The following LRMDA variants were observed in gnomAD, a reference collection of about 807,000 sequenced individuals.
LRMDA encodes leucine rich melanocyte differentiation associated.
Under a neutral mutation model 29.8 loss-of-function variants are expected in LRMDA, and 18 were observed. The ratio of observed to expected loss-of-function variants is 0.60; its 90% CI spans 0.42 to 0.90. The LOEUF (loss-of-function observed/expected upper bound fraction) is 0.90. LRMDA is among the 40% of genes least tolerant of loss of function. LRMDA has a pLI of 0.00. For synonymous variants in LRMDA, 125 were observed against 109.4 expected (o/e 1.14, Z -0.89); for missense variants, 273 against 273.9 (o/e 1.00, Z 0.02).
chr10:75,454,546 G>C (rs1436349094), intron 2 of LRMDA, among the ~76,000 whole-genome samples: 1 of 152,164 alleles, frequency 6.6e-6, no homozygotes, highest in African/African-American at 2.4e-5. Context: ...TGTTAATTTT[G>C]TTCCAGTGAC....
chr10:75,701,017 T>C (rs1842301580), intron 2 of LRMDA, among the ~76,000 whole-genome samples: 1 of 152,160 alleles, frequency 6.6e-6, no homozygotes, highest in African/African-American at 2.4e-5. Flanking sequence ...CTAACTCATC[T>C]CCTCGGCATT....
At chr10:75,865,210 T>C (rs1844999755) in intron 2 of LRMDA, among the ~76,000 whole-genome samples, 1 of 152,198 alleles carries the variant, frequency 6.6e-6, no homozygotes, top group African/African-American at 2.4e-5. Context: ...TCCATTTACA[T>C]GACACTCTAG....
intron 6 of LRMDA, among the ~76,000 whole-genome samples, chr10:76,427,640 G>A (rs1842143253): frequency 1.3e-5 from 2 of 152,142 alleles, no homozygotes; most frequent in African/African-American, 2.4e-5. Flanking sequence ...CCAACACTAT[G>A]TTGAATAGGA....
intron 2 of LRMDA, among the ~76,000 whole-genome samples, chr10:75,945,233 C>T (rs1846457377): frequency 6.6e-6 from 1 of 152,198 alleles, no homozygotes. Context: ...TGGAAAGTAG[C>T]CCCTGAAATC....
intron 5 of LRMDA, among the ~76,000 whole-genome samples, chr10:76,306,196 T>C (rs1027109891): frequency 1.4e-4 from 21 of 152,354 alleles, no homozygotes; most frequent in African/African-American, 3.4e-4. Context: ...ACACACATAC[T>C]TTTGCATACT....
At chr10:76,489,411 T>C (rs1008509397) in intron 6 of LRMDA, among the ~76,000 whole-genome samples, 4 of 151,952 alleles carry the variant, frequency 2.6e-5, no homozygotes, top group African/African-American at 9.7e-5. Context: ...GCTCTTTTTT[T>C]CTTAATCTAG....
At chr10:75,731,813 T>G (rs1842702341) in intron 2 of LRMDA, among the ~76,000 whole-genome samples, 1 of 152,238 alleles carries the variant, frequency 6.6e-6, no homozygotes, top group South Asian at 2.1e-4. Context: ...GAATAATTGT[T>G]TGTAGTCATA....
At chr10:75,568,377 A>G (rs1457350803) in intron 2 of LRMDA, among the ~76,000 whole-genome samples, 2 of 152,252 alleles carry the variant, frequency 1.3e-5, no homozygotes, top group Non-Finnish European at 1.5e-5. Context: ...TTCTTTTTAT[A>G]TAATTCCAGC....
At position 75,571,660 on chromosome 10, in the gene LRMDA, G is replaced by A. The variant is rs563859502; in HGVS notation, c.131+133166G>A. The stretch of plus-strand genomic sequence containing the variant: ...AATCTGCTAAGAGGCTTCAGGGAAA[G>A]GTACCTTGGCTTTTAAGAAGAGATA... On this transcript the variant is annotated intron_variant, in intron 2 of 6. Coordinates refer to ENST00000611255, the MANE Select transcript of LRMDA (RefSeq NM_001305581.2). 3.4e-4 allele frequency among the ~76,000 whole-genome samples: 52 copies of A among 152,150 alleles called. 1 individual carries two copies. The highest frequency in any genetic ancestry group is 2.4e-5 in the African/African-American group (1 of 41,430).
At chr10:76,085,835 C>T (rs765629672) in intron 5 of LRMDA, among the ~76,000 whole-genome samples, 4 of 152,196 alleles carry the variant, frequency 2.6e-5, no homozygotes, top group Non-Finnish European at 4.4e-5. Flanking sequence ...CTCTCCCTCA[C>T]ACTCACACCC....
intron 2 of LRMDA, among the ~76,000 whole-genome samples, chr10:75,998,167 A>G (rs557514304): frequency 1.7e-4 from 26 of 152,294 alleles, no homozygotes; most frequent in Non-Finnish European, 3.2e-4. Flanking sequence ...TTTGTAAAGC[A>G]TATCATGCTG....
intron 2 of LRMDA, among the ~76,000 whole-genome samples, chr10:75,900,185 A>G (rs979534402): frequency 2.6e-5 from 4 of 152,208 alleles, no homozygotes. Context: ...CCCTTCCCGT[A>G]TTTTGAATAA....
chr10:75,831,723 G>A (rs1332188290), intron 2 of LRMDA, among the ~76,000 whole-genome samples: 2 of 152,174 alleles, frequency 1.3e-5, no homozygotes, highest in African/African-American at 2.4e-5. Flanking sequence ...CTTTTGCCTG[G>A]GCATCCAGGC....
intron 2 of LRMDA, among the ~76,000 whole-genome samples, chr10:75,733,547 C>T (rs1173871709): frequency 2.6e-5 from 4 of 152,082 alleles, no homozygotes; most frequent in Non-Finnish European, 5.9e-5. Context: ...CTTTTTTTTC[C>T]CACACAGAGC....
intron 5 of LRMDA, among the ~76,000 whole-genome samples, chr10:76,107,977 C>G (rs1054825957): frequency 1.3e-5 from 2 of 152,152 alleles, no homozygotes; most frequent in African/African-American, 4.8e-5. Flanking sequence ...TCTAGACAGA[C>G]TGAGTCAGAA....
chr10:75,497,993 C>G (rs894152734), intron 2 of LRMDA, among the ~76,000 whole-genome samples: 6 of 152,188 alleles, frequency 3.9e-5, no homozygotes, highest in Non-Finnish European at 7.3e-5. Flanking sequence ...CAGTTTTCCC[C>G]AAAGCGGCTG....
chr10:75,765,982 T>C (rs977598812), intron 2 of LRMDA, among the ~76,000 whole-genome samples: 1 of 152,074 alleles, frequency 6.6e-6, no homozygotes, highest in African/African-American at 2.4e-5. Flanking sequence ...TATGTGAGGC[T>C]GAGATGGTGA....
chr10:75,505,769 G>C (rs1253854634), intron 2 of LRMDA, among the ~76,000 whole-genome samples: 2 of 151,980 alleles, frequency 1.3e-5, no homozygotes, highest in Non-Finnish European at 2.9e-5. Context: ...GCTCCTTTAG[G>C]TGAATTTTTA....
At chr10:76,040,912 A>G (rs779210217) in intron 3 of LRMDA, among the ~76,000 whole-genome samples, 31 of 152,208 alleles carry the variant, frequency 2.0e-4, no homozygotes, top group Non-Finnish European at 3.4e-4. Context: ...ATGGTGCTAC[A>G]TGTTACACAG....
Sources: allele counts gnomAD v4.1 joint callset (sites outside exome capture counted in the v4.1 genomes callset), GRCh38; gene constraint gnomAD v4.1.1; transcripts MANE v1.5; gene names NCBI Gene and HGNC (gene_info 2026-07-23, HGNC 2026-07-21).